BCL2L11: variants seen among roughly 807,000 people sequenced by gnomAD.
The protein encoded by BCL2L11 is BCL2 like 11, also known as bcl-2-like protein 11.
BCL2L11 carries 15 observed loss-of-function variants against 20.6 expected under a neutral mutation model. The observed-to-expected ratio is 0.73, with a 90% CI of 0.49 to 1.12. The LOEUF is 1.12. BCL2L11 is among the 50% of genes most tolerant of loss of function. The pLI, the probability that BCL2L11 is intolerant of heterozygous loss-of-function variation, is 0.00. For synonymous variants in BCL2L11, 108 were observed against 92.8 expected (o/e 1.16, Z -0.94); for missense variants, 292 against 260.9 (o/e 1.12, Z -0.82).
rs763515604 is a variant in BCL2L11, at chr2:111,122,983, G to A, written c.-13-750G>A. 2.6e-4 allele frequency: 253 copies of A among 985,230 alleles called. 1 individual carries two copies. The highest frequency in any genetic ancestry group is 2.9e-4 in the Non-Finnish European group (243 of 829,840). The allele number at this position is 985,230 out of a possible 1,614,324, so 61.0% of individuals were successfully genotyped here. A position where few individuals can be genotyped will look rare whatever the true frequency, so the allele number is the denominator to read the frequency against. On this transcript the variant is annotated intron_variant, in intron 1 of 3. Transcript: ENST00000393256. ...GTCTGTGGGATGAAGGCGGCGCGGC[G>A]CGCACCGGTGTCGCCTAGCCTGCGG... is the stretch of plus-strand genomic sequence containing the variant.
intron 2 of BCL2L11, chr2:111,128,787 TC>T (rs1281601086): frequency 2.0e-6 from 3 of 1,527,994 alleles, no homozygotes; most frequent in Non-Finnish European, 1.8e-6. Context: ...CTCTCCCTCT[TC>T]CTTGAGCATT....
chr2:111,154,369 AG>A (rs1255702562), intron 3 of BCL2L11, among the ~76,000 whole-genome samples: 2 of 151,808 alleles, frequency 1.3e-5, no homozygotes, highest in African/African-American at 2.4e-5. Flanking sequence ...AAAAAAAAAA[AG>A]AAAAAATGTA....
At chr2:111,145,025 T>C (rs1415538632) in intron 2 of BCL2L11, among the ~76,000 whole-genome samples, 1 of 152,226 alleles carries the variant, frequency 6.6e-6, no homozygotes, top group Non-Finnish European at 1.5e-5. Flanking sequence ...GAATATCGAT[T>C]CAAAGCTTAA....
At chr2:111,160,019 G>GAGC (rs1460926815) in intron 3 of BCL2L11, among the ~76,000 whole-genome samples, 2 of 152,228 alleles carry the variant, frequency 1.3e-5, no homozygotes, top group Non-Finnish European at 2.9e-5. Context: ...GTCTGTGGGG[G>GAGC]AGCAATCCTG....
At chr2:111,163,616 G>A (rs202169168) in intron 3 of BCL2L11, among the ~76,000 whole-genome samples, 2 of 152,102 alleles carry the variant, frequency 1.3e-5, no homozygotes, top group East Asian at 3.9e-4. Context: ...CTGTGACCAT[G>A]GGCACCCCTC....
intron 2 of BCL2L11, chr2:111,128,551 A>G (rs2073176370): frequency 2.1e-6 from 3 of 1,418,688 alleles, no homozygotes; most frequent in South Asian, 3.1e-5. Flanking sequence ...GCCATTTTAC[A>G]TTCCCACCAA....
chr2:111,125,788 C>A (rs1413229355), intron 2 of BCL2L11, among the ~76,000 whole-genome samples: 1 of 152,152 alleles, frequency 6.6e-6, no homozygotes, highest in African/African-American at 2.4e-5. Context: ...TTTTAGGGTC[C>A]CTCCTTAGGG....
intron 2 of BCL2L11, 122 bp downstream of exon 2, chr2:111,124,261 G>GGAAT: frequency 8.2e-7 from 1 of 1,213,122 alleles, no homozygotes; most frequent in Non-Finnish European, 1.1e-6. Context: ...TCTTTAGATG[G>GGAAT]GAATGGAGGA....
rs774187139 is a variant in BCL2L11, at chr2:111,127,419, CT to C, written c.394+3299del. 4.1e-3 allele frequency among the ~76,000 whole-genome samples: 508 copies of C among 125,054 alleles called. 2 individuals are homozygous for C. Among genetic ancestry groups the C allele is most frequent in the Middle Eastern group, 0.013 (3 of 232 alleles). The allele number at this position is 125,054 out of a possible 152,430, so 82.0% of individuals were successfully genotyped here. Reference sequence around the variant, plus strand: ...TTCACAGATGGGAGTTAATGGCTTTCTTTTTTTTTTTTTTTTTTTCCTCAGC... The same window carrying C: ...TTCACAGATGGGAGTTAATGGCTTTCTTTTTTTTTTTTTTTTTTCCTCAGC... On this transcript the variant is annotated intron_variant, in intron 2 of 3. Transcript: ENST00000393256.
At chr2:111,142,419 T>C (rs1412249592) in intron 2 of BCL2L11, 2 of 1,534,246 alleles carry the variant, frequency 1.3e-6, no homozygotes, top group African/African-American at 2.8e-5. Flanking sequence ...TTATTCAAAA[T>C]GGGATAAAAA....
chr2:111,136,681 G>A lies in BCL2L11; in HGVS notation c.394+12542G>A, dbSNP rs574099370. Among the ~76,000 whole-genome samples, 12 of 152,312 alleles carry A rather than the reference G, an allele frequency of 7.9e-5. No homozygotes were observed. The South Asian group carries it at 2.5e-3, about 32-fold the overall frequency. On this transcript the variant is annotated intron_variant, in intron 2 of 3. Coordinates refer to ENST00000393256, the MANE Select transcript of BCL2L11 (RefSeq NM_138621.5). Reference sequence around the variant, plus strand: ...CTTCGAGCTGTGTCCTCGAGTGATAGAAAATGTGAGGGTTTCTCTGGGGTC... The same window carrying A: ...CTTCGAGCTGTGTCCTCGAGTGATAAAAAATGTGAGGGTTTCTCTGGGGTC...
rs567732471 is a variant in BCL2L11, at chr2:111,136,851, C to A, written c.394+12712C>A. Among the ~76,000 whole-genome samples, 4 of 152,292 alleles carry A rather than the reference C, an allele frequency of 2.6e-5. No individual in the cohort carries two copies. In the South Asian group the frequency reaches 8.3e-4, roughly 32 times the overall value. ...GTTGGCTCTGGCTGCAAAGACTACT[C>A]TGAATTGTAGAAGTTACTTCTTCAC... On this transcript the variant is annotated intron_variant, in intron 2 of 3. Coordinates refer to ENST00000393256, the MANE Select transcript of BCL2L11 (RefSeq NM_138621.5).
intron 3 of BCL2L11, among the ~76,000 whole-genome samples, chr2:111,153,568 A>G (rs1029207635): frequency 6.6e-6 from 1 of 152,204 alleles, no homozygotes; most frequent in African/African-American, 2.4e-5. Flanking sequence ...TTGGGAAATA[A>G]TGAATTCAAA....
intron 2 of BCL2L11, among the ~76,000 whole-genome samples, chr2:111,129,162 A>T (rs1267462019): frequency 6.6e-6 from 1 of 152,242 alleles, no homozygotes; most frequent in Non-Finnish European, 1.5e-5. Flanking sequence ...ACCTCTTTAA[A>T]TTCCATGGTA....
chr2:111,130,550 C>G (rs972759309), intron 2 of BCL2L11, among the ~76,000 whole-genome samples: 1 of 152,202 alleles, frequency 6.6e-6, no homozygotes, highest in Non-Finnish European at 1.5e-5. Flanking sequence ...GTTATGTGAT[C>G]TGCAAATAGG....
intron 2 of BCL2L11, among the ~76,000 whole-genome samples, chr2:111,139,186 C>G (rs953109266): frequency 2.6e-5 from 4 of 152,138 alleles, no homozygotes; most frequent in Non-Finnish European, 4.4e-5. Flanking sequence ...AGGTCTGAAT[C>G]ACCCCTAACC....
At chr2:111,153,391 T>C (rs1208389191) in intron 3 of BCL2L11, among the ~76,000 whole-genome samples, 1 of 151,858 alleles carries the variant, frequency 6.6e-6, no homozygotes, top group Non-Finnish European at 1.5e-5. Flanking sequence ...AAAAAATAGT[T>C]CAAAACACTG....
At chr2:111,146,096 A>T (rs1009619430) in intron 2 of BCL2L11, 1 of 985,214 alleles carries the variant, frequency 1.0e-6, no homozygotes, top group South Asian at 4.7e-5. Context: ...TAAAAAAAAA[A>T]TTTAGTGCCA....
chr2:111,122,400 C>T (rs1384619501), intron 1 of BCL2L11, among the ~76,000 whole-genome samples: 1 of 152,160 alleles, frequency 6.6e-6, no homozygotes, highest in Non-Finnish European at 1.5e-5. Context: ...CCCTCAAATC[C>T]TCCGACGAAG....
Sources: gnomAD v4.1 joint callset for allele counts (sites outside exome capture counted in the v4.1 genomes callset) on GRCh38, gnomAD v4.1.1 for gene constraint, MANE v1.5 for transcripts, NCBI Gene and HGNC (gene_info 2026-07-23, HGNC 2026-07-21) for gene names.